Variants in STRA6 observed in about 807,000 individuals in gnomAD.
STRA6 encodes the protein signaling receptor and transporter of retinol STRA6.
STRA6 carries 48 observed loss-of-function variants against 83.6 expected under a neutral mutation model. The observed-to-expected ratio is 0.57, with a 90% CI of 0.46 to 0.73. The LOEUF is 0.73. Ranked by LOEUF, STRA6 falls within the 30% of genes least tolerant of loss-of-function variation. The probability of loss-of-function intolerance (pLI) is 0.00; values close to 1 mark genes in which losing one functional copy is unlikely to be tolerated. For synonymous variants in STRA6, 353 were observed against 362.3 expected, an observed-to-expected ratio of 0.97 and a Z score of 0.29; for missense variants, 760 against 838.8, an observed-to-expected ratio of 0.91 and a Z score of 1.16.
intron 3 of STRA6, 61 bp from the exon 4 acceptor site, chr15:74,197,484 T>C (rs1286479013): frequency 2.8e-6 from 4 of 1,412,192 alleles, no homozygotes; most frequent in Non-Finnish European, 3.9e-6. Context: ...GGTCTGAGTT[T>C]GAGGGCTTGG....
rs1239203327 is a variant in STRA6 at position 74,196,038 on chromosome 15, A to G, written c.376T>C (p.Phe126Leu). Reference sequence around the variant, plus strand: ...CTGGGTGCTGAGGCGAGAGTCAGGAAGGGCAATGCGTCCTCGTCGGGGAGC... The same window carrying G: ...CTGGGTGCTGAGGCGAGAGTCAGGAGGGGCAATGCGTCCTCGTCGGGGAGC... ...LLLPDEDALP[F>L]LTLASAPSQD... Residue 126 changes from phenylalanine (F) to leucine (L), a missense_variant, in exon 5 of 19, where the codon TTC becomes CTC. Physicochemically the swap from Phe to Leu is conservative, Grantham distance 22. Coordinates refer to ENST00000395105, the MANE Select transcript of STRA6 (RefSeq NM_022369.4). 6.2e-7 allele frequency: 1 copy of G among 1,613,882 alleles called. No individual in the cohort carries two copies. The highest frequency in any genetic ancestry group is 8.5e-7 in the Non-Finnish European group (1 of 1,180,010).
At chr15:74,209,489 C>A (rs2074335984), upstream of STRA6, 5 of 1,514,414 alleles carry the variant, frequency 3.3e-6, no homozygotes, top group South Asian at 6.0e-5. Flanking sequence ...GGGCCCTGAC[C>A]ACAGCTAAGG....
At chr15:74,205,694 G>C (rs1472140935), upstream of STRA6, among the ~76,000 whole-genome samples, 1 of 152,214 alleles carries the variant, frequency 6.6e-6, no homozygotes, top group Non-Finnish European at 1.5e-5. Context: ...CCCAGGGGCT[G>C]CAGCCAGGCT....
chr15:74,195,525 A>G (rs1044088287), intron 6 of STRA6, 57 bp from the exon 7 acceptor site: 3 of 1,599,838 alleles, frequency 1.9e-6, no homozygotes, highest in Non-Finnish European at 2.6e-6. Flanking sequence ...TGGGGCCTGC[A>G]GTGAGCCCAC....
At chr15:74,210,925 A>G (rs1288560431), upstream of STRA6, among the ~76,000 whole-genome samples, 2 of 152,202 alleles carry the variant, frequency 1.3e-5, no homozygotes, top group African/African-American at 2.4e-5. Context: ...ATCTTGGACT[A>G]TGAGATAGAA....
upstream of STRA6, among the ~76,000 whole-genome samples, chr15:74,211,724 G>A (rs2074370987): frequency 6.6e-6 from 1 of 151,830 alleles, no homozygotes; most frequent in African/African-American, 2.4e-5. Flanking sequence ...TTTCTATCTG[G>A]TTGTCCTCCT....
chr15:74,209,683 T>G (rs1168569219), upstream of STRA6: 1 of 529,998 alleles, frequency 1.9e-6, no homozygotes, highest in Non-Finnish European at 3.3e-6. Flanking sequence ...GACAGTCGGC[T>G]GCATCCCCCC....
intron 7 of STRA6, chr15:74,194,267 AC>A (rs1251212568): frequency 1.0e-6 from 1 of 975,564 alleles, no homozygotes; most frequent in Non-Finnish European, 1.3e-6. Flanking sequence ...TCTGAAAATC[AC>A]ACGAAAGCCT....
rs780276808 is a variant in STRA6, at chr15:74,180,037, A to T, written c.*43T>A. The T allele has an allele frequency of 6.3e-7, 1 of 1,594,914 alleles. No homozygotes were observed. Among genetic ancestry groups the T allele is most frequent in the Non-Finnish European group, 8.6e-7 (1 of 1,164,878 alleles). On this transcript the variant is annotated 3_prime_UTR_variant, in exon 19 of 19. Coordinates refer to ENST00000395105, the MANE Select transcript of STRA6 (RefSeq NM_022369.4). The stretch of plus-strand genomic sequence containing the variant: ...AGGGAGGAGGATGGTAGGCAGGAAC[A>T]TGCCTCAGCACAGATGGGCAGGTGG...
Position 74,181,395 on chromosome 15 carries a change from C to T in STRA6, c.1584G>A (p.Val528=), listed in dbSNP as rs901979311. ...CAGAGAGGAGCACTCGCCAGGTGGCCACCATGGCACCCACCAGCACATTGA... is the reference window on the plus strand; with the variant it reads ...CAGAGAGGAGCACTCGCCAGGTGGCTACCATGGCACCCACCAGCACATTGA... ...FPLNVLVGAM[V]ATWRVLLSAL... Residue 528 remains valine, a synonymous_variant, in exon 17 of 19, where the codon GTG becomes GTA. Transcript: ENST00000395105. 3.9e-5 allele frequency: 63 copies of T among 1,613,364 alleles called. No individual in the cohort carries two copies. Among genetic ancestry groups the T allele is most frequent in the Non-Finnish European group, 5.1e-5 (60 of 1,179,678 alleles).
chr15:74,186,351 G>A (rs144319198), intron 12 of STRA6, among the ~76,000 whole-genome samples: 56 of 152,366 alleles, frequency 3.7e-4, no homozygotes, highest in Non-Finnish European at 2.9e-5. Context: ...CACTGGGACT[G>A]TGATCCCAAC....
chr15:74,184,937 C>T (rs1349937148), intron 13 of STRA6, 43 bp downstream of exon 13: 1 of 1,599,962 alleles, frequency 6.3e-7, no homozygotes, highest in South Asian at 1.1e-5. Context: ...ACTCCCACTC[C>T]TTCCCCACCT....
upstream of STRA6, among the ~76,000 whole-genome samples, chr15:74,205,922 C>T (rs1284809343): frequency 2.0e-5 from 3 of 152,232 alleles, no homozygotes; most frequent in Non-Finnish European, 1.5e-5. Context: ...TTGGCCAGGG[C>T]ATAGCTGGAA....
At chr15:74,186,175 T>G (rs2073237507) in intron 12 of STRA6, among the ~76,000 whole-genome samples, 1 of 152,218 alleles carries the variant, frequency 6.6e-6, no homozygotes, top group African/African-American at 2.4e-5. Flanking sequence ...AAAGCAACAC[T>G]GGTGATTCAG....
rs759109790 is a variant in STRA6 at position 74,182,223 on chromosome 15, C to T, written c.1458G>A (p.Gln486=). ...GGAAGACCCAATGGGCTGCCATGTTCTGCAGGATCACAGCCAGGGCCAAAG... is the reference window on the plus strand; with the variant it reads ...GGAAGACCCAATGGGCTGCCATGTTTTGCAGGATCACAGCCAGGGCCAAAG... ...WLTLALAVIL[Q]NMAAHWVFLE... is the part of the protein sequence containing the mutation. The change falls in exon 16 of 19, where the codon CAG becomes CAA. Residue 486 remains glutamine (Q), a synonymous_variant. Transcript: ENST00000395105. 1.2e-6 allele frequency: 2 copies of T among 1,614,158 alleles called. No individual in the cohort carries two copies. Among genetic ancestry groups the T allele is most frequent in the South Asian group, 1.1e-5 (1 of 91,076 alleles).
upstream of STRA6, among the ~76,000 whole-genome samples, chr15:74,211,134 C>G (rs1016933967): frequency 1.6e-5 from 2 of 127,434 alleles, no homozygotes; most frequent in Non-Finnish European, 3.3e-5. Context: ...GATTCCCCCC[C>G]ACCACTACGC....
chr15:74,211,155 A>G (rs1453827789), upstream of STRA6, among the ~76,000 whole-genome samples: 5 of 1,078 alleles, frequency 4.6e-3, no homozygotes, highest in African/African-American at 4.9e-3. Flanking sequence ...ACGCACACGC[A>G]CACACACACA....
upstream of STRA6, chr15:74,212,185 G>A (rs963106927): frequency 1.3e-4 from 20 of 152,640 alleles, no homozygotes; most frequent in African/African-American, 4.6e-4. Context: ...GATCCGCAGA[G>A]TCTACAGGGC....
At chr15:74,183,742 T>C (rs1595826732) in intron 14 of STRA6, 114 bp downstream of exon 14, 1 of 1,600,496 alleles carries the variant, frequency 6.2e-7, no homozygotes, top group Admixed American at 1.7e-5. Flanking sequence ...CCCCAGAGCA[T>C]TCCCAGACAA....
Sources: allele counts gnomAD v4.1 joint callset (sites outside exome capture counted in the v4.1 genomes callset), GRCh38; gene constraint gnomAD v4.1.1; transcripts MANE v1.5; gene names NCBI Gene and HGNC (gene_info 2026-07-23, HGNC 2026-07-21).